The following EED variants were observed in gnomAD, a reference collection of about 807,000 sequenced individuals.
EED encodes the protein embryonic ectoderm development.
In EED, 9 loss-of-function variants were observed where a neutral mutation model predicts 61.0. The ratio of observed to expected loss-of-function variants is 0.15; its 90% CI spans 0.09 to 0.26. The LOEUF (loss-of-function observed/expected upper bound fraction) is 0.26, where lower values mean the gene tolerates loss of function less well. Among genes scored for constraint, EED ranks in the 10% least tolerant of loss-of-function variants. The probability of loss-of-function intolerance (pLI) is 1.00; values close to 1 mark genes in which losing one functional copy is unlikely to be tolerated. For missense variants in EED, 315 were observed against 542.3 expected, an observed-to-expected ratio of 0.58 and a Z score of 4.16; for synonymous variants, 187 against 174.4, an observed-to-expected ratio of 1.07 and a Z score of -0.57.
downstream of EED, among the ~76,000 whole-genome samples, chr11:86,279,880 A>C (rs1946303497): frequency 6.6e-6 from 1 of 152,198 alleles, no homozygotes; most frequent in Non-Finnish European, 1.5e-5. Flanking sequence ...TTCAAGAAGT[A>C]AACCTTTATA....
chr11:86,272,818 A>G (rs1001377924), intron 9 of EED, among the ~76,000 whole-genome samples: 5 of 152,096 alleles, frequency 3.3e-5, no homozygotes, highest in African/African-American at 1.2e-4. Flanking sequence ...TATTCTGCCT[A>G]TGTCTTTTAA....
chr11:86,252,511 G>T (rs545595711), intron 3 of EED, among the ~76,000 whole-genome samples: 6,515 of 146,622 alleles, frequency 0.044, 212 homozygotes, highest in Middle Eastern at 0.074. Context: ...AAGAATTGGC[G>T]TCCTTTTTTT....
chr11:86,263,969 G>A (rs1409954118), intron 6 of EED: 2 of 521,100 alleles, frequency 3.8e-6, no homozygotes, highest in Non-Finnish European at 6.8e-6. Flanking sequence ...ATGCTTTTGG[G>A]GGGGCCTATT....
intron 3 of EED, among the ~76,000 whole-genome samples, chr11:86,254,065 A>G (rs1211437711): frequency 2.9e-5 from 4 of 137,154 alleles, no homozygotes; most frequent in South Asian, 4.3e-4. Flanking sequence ...AAAAAAAAAA[A>G]AAAAAAAAAA....
chr11:86,260,302 A>G (rs1355815847), intron 6 of EED, among the ~76,000 whole-genome samples: 1 of 152,166 alleles, frequency 6.6e-6, no homozygotes, highest in African/African-American at 2.4e-5. Flanking sequence ...ATCACAGCTC[A>G]CTGTAGCTTG....
At chr11:86,286,838 G>C in the EED span, among the ~76,000 whole-genome samples, 1 of 151,940 alleles carries the variant, frequency 6.6e-6, no homozygotes, top group African/African-American at 2.4e-5. Context: ...CGGGCACGGT[G>C]GTGGGCACCT....
chr11:86,245,279 C>G lies in EED; in HGVS notation c.50C>G (p.Ala17Gly), dbSNP rs1945363239. Residue 17 changes from alanine to glycine, a missense_variant, in exon 1 of 12, where the codon GCG becomes GGG. By Grantham distance (60) the Ala-to-Gly change is moderately conservative. This residue lies in a region of EED where 110 missense variants were observed against 86.9 expected (regional missense o/e 1.27). Transcript: ENST00000263360. Reference protein sequence around the residue: ...STAPAGTDMPAAKKQKLSSDE... With the variant: ...STAPAGTDMPGAKKQKLSSDE... Reference sequence around the variant, plus strand: ...GCGCCGGCGGGAACAGACATGCCTGCGGCCAAGAAGCAGAAGCTGAGCAGT... The same window carrying G: ...GCGCCGGCGGGAACAGACATGCCTGGGGCCAAGAAGCAGAAGCTGAGCAGT... 6.2e-7 allele frequency: 1 copy of G among 1,613,378 alleles called. No homozygotes were observed. Among genetic ancestry groups the G allele is most frequent in the African/African-American group, 1.3e-5 (1 of 74,976 alleles).
intron 1 of EED, among the ~76,000 whole-genome samples, chr11:86,247,499 T>C (rs1466030875): frequency 1.3e-5 from 2 of 152,212 alleles, no homozygotes; most frequent in Admixed American, 6.5e-5. Flanking sequence ...TTTTTCGAAG[T>C]GTAATATAAA....
In EED at chr11:86,266,191, G is replaced by A. The variant is rs1487912547; in HGVS notation, c.835G>A (p.Asp279Asn). ...GATGAATGCAATTAAGGAATCTTAT[G>A]ATTATAATCCAAATAAAACTAACAG... is the stretch of plus-strand genomic sequence containing the variant. Reference protein sequence around the residue: ...RMMNAIKESYDYNPNKTNRPF... With the variant: ...RMMNAIKESYNYNPNKTNRPF... Residue 279 changes from aspartate (D) to asparagine (N), a missense_variant, in exon 8 of 12, where the codon GAT becomes AAT. Asp to Asn is a conservative substitution (Grantham distance 23). Transcript: ENST00000263360. 3 of 1,599,946 alleles carry A rather than the reference G, an allele frequency of 1.9e-6. No homozygotes were observed. The East Asian group carries it at 6.8e-5, about 36-fold the overall frequency.
At chr11:86,265,492 T>A (rs939935670) in intron 7 of EED, 1 of 152,182 alleles carries the variant, frequency 6.6e-6, no homozygotes, top group Non-Finnish European at 1.5e-5. Context: ...AATGAGGTTG[T>A]TACAATAGAT....
chr11:86,277,037 A>G lies in EED; in HGVS notation c.1024A>G (p.Lys342Glu). The G allele has an allele frequency of 6.4e-7, 1 of 1,571,448 alleles. No individual in the cohort carries two copies. Among genetic ancestry groups the G allele is most frequent in the Non-Finnish European group, 8.7e-7 (1 of 1,151,140 alleles). Residue 342 changes from lysine (K) to glutamate (E), a missense_variant, in exon 10 of 12, where the codon AAA becomes GAA. Transcript: ENST00000263360. ...KPGKMEDDID[K>E]IKPSESNVTI... The stretch of plus-strand genomic sequence containing the variant: ...TGGCAAGATGGAAGATGATATAGAT[A>G]AAATTAAACCCAGTGAATCTAATGT...
At chr11:86,286,971 C>CAAAAAAAAAAAAAA in the EED span, among the ~76,000 whole-genome samples, 40 of 68,342 alleles carry the variant, frequency 5.9e-4, no homozygotes, top group African/African-American at 1.9e-3. Context: ...GACTCCGTCT[C>CAAAAAAAAAAAAAA]AAAAAAAAAA....
chr11:86,272,161 C>T (rs377332237), intron 9 of EED, among the ~76,000 whole-genome samples: 29 of 134,888 alleles, frequency 2.1e-4, no homozygotes, highest in African/African-American at 8.2e-4. Flanking sequence ...GGGTTGACAC[C>T]ATTCTCCTGC....
At chr11:86,257,924 G>A (rs1173960949) in intron 6 of EED, among the ~76,000 whole-genome samples, 2 of 151,700 alleles carry the variant, frequency 1.3e-5, no homozygotes, top group Non-Finnish European at 2.9e-5. Flanking sequence ...TTTCCTTTAC[G>A]TCTCGGAGAA....
At chr11:86,285,926 G>A in the EED span, among the ~76,000 whole-genome samples, 34 of 152,078 alleles carry the variant, frequency 2.2e-4, no homozygotes, top group Non-Finnish European at 3.8e-4. Context: ...ACAAACATAA[G>A]AGCCTTTACC....
intron 9 of EED, chr11:86,270,212 A>C (rs1394333194): frequency 1.6e-6 from 1 of 632,324 alleles, no homozygotes; most frequent in Admixed American, 2.4e-5. Flanking sequence ...GTGATATCTC[A>C]TCGTGGTCTT....
intron 1 of EED, among the ~76,000 whole-genome samples, chr11:86,246,674 A>AT (rs1487370859): frequency 3.3e-5 from 5 of 152,074 alleles, no homozygotes; most frequent in African/African-American, 4.8e-5. Context: ...GGGATCTAAC[A>AT]TTTTTTACCC....
intron 11 of EED, 51 bp from the exon 12 acceptor site, chr11:86,278,348 A>G (rs1946279238): frequency 1.3e-6 from 2 of 1,584,560 alleles, no homozygotes; most frequent in Non-Finnish European, 1.7e-6. Context: ...TAGGGTAGAC[A>G]CTGACAACGT....
chr11:86,254,047 T>TGAAAA (rs1945602106), intron 3 of EED, among the ~76,000 whole-genome samples: 1 of 12,904 alleles, frequency 7.7e-5, no homozygotes. Context: ...AAACTCTGTC[T>TGAAAA]CAAAAAAAAA....
Sources: gnomAD v4.1 joint callset for allele counts (sites outside exome capture counted in the v4.1 genomes callset) on GRCh38, gnomAD v4.1.1 for gene constraint, gnomAD v4.1.1 regional missense constraint, MANE v1.5 for transcripts, NCBI Gene and HGNC (gene_info 2026-07-23, HGNC 2026-07-21) for gene names.